ODAD2: variants seen among roughly 807,000 people sequenced by gnomAD.
ODAD2 encodes the protein outer dynein arm-docking complex subunit 2.
Under a neutral mutation model 106.8 loss-of-function variants are expected in ODAD2, and 89 were observed. The ratio of observed to expected loss-of-function variants is 0.83; its 90% confidence interval spans 0.70 to 0.99. ODAD2 has a LOEUF of 0.99. Ranked by LOEUF, ODAD2 falls within the 50% of genes least tolerant of loss-of-function variation. ODAD2 has a pLI of 0.00. For synonymous variants in ODAD2, 404 were observed against 436.2 expected (o/e 0.93, Z 0.92); for missense variants, 1,168 against 1,238.5 (o/e 0.94, Z 0.85).
intron 19 of ODAD2, among the ~76,000 whole-genome samples, chr10:27,818,459 T>C (rs1460293257): frequency 6.6e-6 from 1 of 152,170 alleles, no homozygotes; most frequent in Non-Finnish European, 1.5e-5. Context: ...AGTCAATCAC[T>C]TTAATAGACA....
chr10:27,897,269 T>C, intron 17 of ODAD2, among the ~76,000 whole-genome samples: 1 of 152,080 alleles, frequency 6.6e-6, no homozygotes, highest in East Asian at 1.9e-4. Flanking sequence ...TCCTAAAGGC[T>C]AATGAGCCCT....
chr10:27,871,836 C>A (rs1840918484), intron 17 of ODAD2, among the ~76,000 whole-genome samples: 1 of 152,088 alleles, frequency 6.6e-6, no homozygotes, highest in Admixed American at 6.6e-5. Flanking sequence ...CTTGGCAATG[C>A]AGGGTCTTTT....
At chr10:27,917,387 A>G (rs1199188305) in intron 16 of ODAD2, among the ~76,000 whole-genome samples, 3 of 152,122 alleles carry the variant, frequency 2.0e-5, no homozygotes, top group Non-Finnish European at 4.4e-5. Flanking sequence ...TTAAAGAAAA[A>G]TGTATACCTT....
intron 9 of ODAD2, among the ~76,000 whole-genome samples, chr10:27,965,024 C>A (rs994174470): frequency 1.3e-5 from 2 of 152,156 alleles, no homozygotes; most frequent in African/African-American, 2.4e-5. Flanking sequence ...GGACAGGAGG[C>A]AACAGTCAGT....
At chr10:27,986,604 C>G (rs1363610164) in intron 3 of ODAD2, among the ~76,000 whole-genome samples, 1 of 152,174 alleles carries the variant, frequency 6.6e-6, no homozygotes. Context: ...AGACCATCTT[C>G]CCATCTCACA....
rs1275324850 is a variant in ODAD2, at chr10:27,823,950, C to T, written c.3022-11325G>A. Among the ~76,000 whole-genome samples, 7 of 118,022 alleles carry T rather than the reference C, an allele frequency of 5.9e-5. 2 individuals carry two copies. Among genetic ancestry groups the T allele is most frequent in the Non-Finnish European group, 4.8e-5 (3 of 63,014 alleles). The allele number at this position is 118,022 out of a possible 152,430, so 77.4% of individuals were successfully genotyped here. On this transcript the variant is annotated intron_variant, in intron 19 of 19. Transcript: ENST00000305242. ...GGTCAGGAGATCGAGACCATCCTGG[C>T]TAACACGGTGAAACCCCGTCTCTAC...
chr10:27,890,620 T>C (rs1038480532), intron 17 of ODAD2, among the ~76,000 whole-genome samples: 2 of 152,018 alleles, frequency 1.3e-5, no homozygotes, highest in African/African-American at 4.8e-5. Context: ...GGGAGGGCAG[T>C]AGTGGAGAGA....
intron 3 of ODAD2, among the ~76,000 whole-genome samples, chr10:27,986,456 C>T (rs1849879596): frequency 6.6e-6 from 1 of 152,024 alleles, no homozygotes. Flanking sequence ...ATGAATAATC[C>T]TTCATCTATT....
intron 15 of ODAD2, 84 bp from the exon 16 acceptor site, chr10:27,935,336 C>T (rs1170951346): frequency 9.4e-6 from 14 of 1,495,338 alleles, no homozygotes; most frequent in Non-Finnish European, 1.2e-5. Context: ...ATCCTTACAA[C>T]AACCCAATGA....
intron 16 of ODAD2, among the ~76,000 whole-genome samples, chr10:27,930,282 A>C (rs1845520045): frequency 6.6e-6 from 1 of 152,144 alleles, no homozygotes; most frequent in African/African-American, 2.4e-5. Flanking sequence ...GGTGGCTCAC[A>C]CCTATAATCC....
chr10:27,987,048 T>G (rs1245907625), intron 3 of ODAD2, among the ~76,000 whole-genome samples: 9 of 152,198 alleles, frequency 5.9e-5, no homozygotes, highest in African/African-American at 2.2e-4. Flanking sequence ...TCATCTGTCT[T>G]CTCTATTGAC....
At chr10:27,974,101 T>C (rs1340383021) in intron 7 of ODAD2, among the ~76,000 whole-genome samples, 4 of 152,262 alleles carry the variant, frequency 2.6e-5, no homozygotes, top group Non-Finnish European at 5.9e-5. Context: ...TATCTGTTCA[T>C]GTCCTTTGAC....
chr10:27,865,635 C>T (rs577974609), intron 17 of ODAD2, among the ~76,000 whole-genome samples: 1 of 152,326 alleles, frequency 6.6e-6, no homozygotes, highest in Admixed American at 6.5e-5. Context: ...AGGACTCTTG[C>T]TGTCTCATTC....
intron 9 of ODAD2, among the ~76,000 whole-genome samples, chr10:27,963,810 A>C (rs1588622061): frequency 6.6e-6 from 1 of 151,738 alleles, no homozygotes; most frequent in Admixed American, 6.6e-5. Flanking sequence ...AGTTTTTTAG[A>C]CCCCCATGCA....
At chr10:27,840,989 T>A (rs1314355106) in intron 19 of ODAD2, among the ~76,000 whole-genome samples, 5 of 152,176 alleles carry the variant, frequency 3.3e-5, no homozygotes. Context: ...AAATAAGGAA[T>A]AAAGCACATA....
At chr10:27,973,733 G>C (rs767751007) in intron 7 of ODAD2, among the ~76,000 whole-genome samples, 21 of 152,152 alleles carry the variant, frequency 1.4e-4, no homozygotes, top group Non-Finnish European at 2.6e-4. Context: ...TGCGAATAGT[G>C]CTGCAATGAA....
intron 10 of ODAD2, among the ~76,000 whole-genome samples, chr10:27,949,633 G>GCTGGGCTGCTGGGCCCAGAGT (rs1364894813): frequency 3.3e-5 from 5 of 152,250 alleles, no homozygotes; most frequent in African/African-American, 1.2e-4. Flanking sequence ...CTGAAAACCA[G>GCTGGGCTGCTGGGCCCAGAGT]CTGGGCTGCT....
intron 10 of ODAD2, among the ~76,000 whole-genome samples, chr10:27,957,761 C>T (rs1281667481): frequency 6.6e-6 from 1 of 152,128 alleles, no homozygotes; most frequent in Non-Finnish European, 1.5e-5. Flanking sequence ...TATTTATGTG[C>T]CAAGATATGA....
intron 3 of ODAD2, among the ~76,000 whole-genome samples, 189 bp downstream of exon 3, chr10:27,987,197 T>C (rs763254576): frequency 2.6e-5 from 4 of 152,222 alleles, no homozygotes; most frequent in Non-Finnish European, 5.9e-5. Context: ...AGAAATTTGA[T>C]AGGAGCATAA....
Sources: gnomAD v4.1 joint callset for allele counts (sites outside exome capture counted in the v4.1 genomes callset) on GRCh38, gnomAD v4.1.1 for gene constraint, MANE v1.5 for transcripts, NCBI Gene and HGNC (gene_info 2026-07-23, HGNC 2026-07-21) for gene names.